DGKH: variants seen among roughly 807,000 people sequenced by gnomAD.
The protein encoded by DGKH is DAG kinase eta.
In DGKH, 90 loss-of-function variants were observed where a neutral mutation model predicts 159.3. That is an observed-to-expected ratio of 0.57 (90% confidence interval 0.48 to 0.67). DGKH has a LOEUF of 0.67. Among genes scored for constraint, DGKH ranks in the 30% least tolerant of loss-of-function variants. The pLI, the probability that DGKH is intolerant of heterozygous loss-of-function variation, is 0.00. For missense variants in DGKH, 1,181 were observed against 1,506.1 expected (o/e 0.78, Z 3.57); for synonymous variants, 536 against 553.8 (o/e 0.97, Z 0.45).
rs1433448712 is a variant in DGKH, at chr13:42,199,796, C to A, written c.2397-17C>A. 9.4e-6 allele frequency: 15 copies of A among 1,591,148 alleles called. No individual in the cohort carries two copies. Among genetic ancestry groups the A allele is most frequent in the Non-Finnish European group, 9.4e-6 (11 of 1,172,790 alleles). ...AAATAAAATTTCCTGAAATTGCCTG[C>A]CAATATTTATTTTCAGGAGCCGAAC... On this transcript the variant is annotated splice_polypyrimidine_tract_variant and intron_variant, in intron 19 of 29. Transcript: ENST00000337343.
chr13:42,155,671 C>A lies in DGKH; in HGVS notation c.494C>A (p.Ala165Asp). The A allele has an allele frequency of 6.2e-7, 1 of 1,614,110 alleles. No individual in the cohort carries two copies. The highest frequency in any genetic ancestry group is 2.2e-5 in the East Asian group (1 of 44,884). ...GTCCTCACATCTCATTTCTAGGTGG[C>A]CCAGTTTAATGTGGAACATTTCTCA... ...SVQTREPYEV[A>D]QFNVEHFSGM... is the part of the protein sequence containing the mutation. The change falls in exon 5 of 30, where the codon GCC (alanine) becomes GAC (aspartate). Residue 165 changes from alanine to aspartate, a missense_variant. By Grantham distance (126) the Ala-to-Asp change is moderately radical (BLOSUM62 -2). This residue lies in a region of DGKH where 369 missense variants were observed against 519.4 expected (regional missense o/e 0.71). Coordinates refer to ENST00000337343, the MANE Select transcript of DGKH (RefSeq NM_178009.5).
At chr13:42,121,757 G>T (rs966938643) in intron 1 of DGKH, among the ~76,000 whole-genome samples, 5 of 152,184 alleles carry the variant, frequency 3.3e-5, no homozygotes, top group African/African-American at 1.2e-4. Flanking sequence ...TAAGCGTTAA[G>T]GCAGATTTAT....
rs1958358816 is a variant in DGKH at position 42,233,898 on chromosome 13, G to T, written c.*4710G>T. The T allele has an allele frequency of 6.6e-6, 1 of 152,198 alleles. No individual in the cohort carries two copies. The highest frequency in any genetic ancestry group is 1.5e-5 in the Non-Finnish European group (1 of 68,030). 9.4% of individuals were successfully genotyped at this position (152,198 alleles called of 1,614,324 possible). ...GTCCTTGTTGACATAGCTCATGCAT[G>T]AGGACACATAGCAGTACACACACAT... On this transcript the variant is annotated 3_prime_UTR_variant, in exon 30 of 30. Coordinates refer to ENST00000337343, the MANE Select transcript of DGKH (RefSeq NM_178009.5).
intron 12 of DGKH, 36 bp downstream of exon 12, chr13:42,174,180 G>C (rs1267322353): frequency 2.0e-6 from 3 of 1,482,874 alleles, no homozygotes; most frequent in East Asian, 4.5e-5. Flanking sequence ...TTTGAAATGG[G>C]GGTGGATATC....
In DGKH at chr13:42,199,822, T is replaced by A. The variant is rs373601744; in HGVS notation, c.2406T>A (p.Thr802=). The change falls in exon 20 of 30, where the codon ACT becomes ACA. Residue 802 remains threonine (T), a synonymous_variant. Transcript: ENST00000337343. ...EEHPEKCRSR[T]KNLMWYGVLG... is the part of the protein sequence containing the mutation. ...CAATATTTATTTTCAGGAGCCGAAC[T>A]AAAAACTTGATGTGGTATGGAGTCC... is the stretch of plus-strand genomic sequence containing the variant. 1.6e-5 allele frequency: 25 copies of A among 1,600,836 alleles called. No homozygotes were observed. The highest frequency in any genetic ancestry group is 2.0e-5 in the Non-Finnish European group (24 of 1,176,642).
Position 42,061,988 on chromosome 13 carries a change from G to GGGGTGTGTGTGT in DGKH, c.192+13024_192+13025insGGTGTGTGTGTG, listed in dbSNP as rs145261789. Among the ~76,000 whole-genome samples, 456 of 149,784 alleles carry GGGGTGTGTGTGT rather than the reference G, an allele frequency of 3.0e-3. 1 individual carries two copies. The highest frequency in any genetic ancestry group is 4.9e-3 in the Non-Finnish European group (329 of 67,360). On this transcript the variant is annotated intron_variant, in intron 1 of 29. Coordinates refer to ENST00000337343, the MANE Select transcript of DGKH (RefSeq NM_178009.5). ...GAGAAAGATGGAGAGTGTGTGTGTG[G>GGGGTGTGTGTGT]GTGTGTGTGTGTGTGTGTGTGTAAA...
intron 1 of DGKH, among the ~76,000 whole-genome samples, chr13:42,056,694 C>G (rs76450443): frequency 6.6e-6 from 1 of 152,160 alleles, no homozygotes; most frequent in Non-Finnish European, 1.5e-5. Flanking sequence ...GTTCCAGATG[C>G]CTTGCTTTCG....
At chr13:42,085,973 T>A (rs1249937468) in intron 1 of DGKH, among the ~76,000 whole-genome samples, 1 of 151,944 alleles carries the variant, frequency 6.6e-6, no homozygotes, top group Non-Finnish European at 1.5e-5. Flanking sequence ...TAGGCTGGAG[T>A]GCGTAGTACA....
chr13:42,129,298 C>G (rs1034813307), intron 2 of DGKH, among the ~76,000 whole-genome samples: 1 of 152,150 alleles, frequency 6.6e-6, no homozygotes, highest in African/African-American at 2.4e-5. Context: ...TGTTATGCTT[C>G]CAGAGAGCAC....
chr13:42,219,107 A>T (rs1957893974), intron 26 of DGKH, 123 bp from the exon 27 acceptor site: 3 of 1,230,816 alleles, frequency 2.4e-6, no homozygotes, highest in Non-Finnish European at 3.3e-6. Flanking sequence ...ATATTCCTTA[A>T]TTTAAAAAAT....
chr13:42,095,202 G>C (rs1954501300), intron 1 of DGKH, among the ~76,000 whole-genome samples: 1 of 106,378 alleles, frequency 9.4e-6, no homozygotes, highest in Non-Finnish European at 1.7e-5. Flanking sequence ...TCCCTCTGTT[G>C]CCCAGGCTGG....
At chr13:42,144,055 G>A (rs1207559741) in intron 3 of DGKH, among the ~76,000 whole-genome samples, 1 of 152,156 alleles carries the variant, frequency 6.6e-6, no homozygotes, top group African/African-American at 2.4e-5. Context: ...GCAAAAGAGA[G>A]TCTGATACAC....
intron 13 of DGKH, among the ~76,000 whole-genome samples, chr13:42,183,606 G>A (rs980563181): frequency 2.6e-5 from 4 of 152,114 alleles, no homozygotes; most frequent in Non-Finnish European, 4.4e-5. Context: ...ACTGTTTTCA[G>A]CTATTTTTAA....
At chr13:42,124,519 G>A (rs1249073234) in intron 1 of DGKH, among the ~76,000 whole-genome samples, 1 of 152,128 alleles carries the variant, frequency 6.6e-6, no homozygotes, top group Non-Finnish European at 1.5e-5. Context: ...ATGAAATATT[G>A]CTAAAAATAA....
chr13:42,062,759 G>A (rs1302915089), intron 1 of DGKH, among the ~76,000 whole-genome samples: 1 of 152,148 alleles, frequency 6.6e-6, no homozygotes, highest in Non-Finnish European at 1.5e-5. Flanking sequence ...TTTTAGTTAC[G>A]GCCAACTTCA....
intron 3 of DGKH, among the ~76,000 whole-genome samples, chr13:42,152,858 T>C (rs1442983356): frequency 6.8e-6 from 1 of 147,254 alleles, no homozygotes; most frequent in Non-Finnish European, 1.5e-5. Flanking sequence ...TTCAAACCCA[T>C]TGTGGGAGGG....
intron 13 of DGKH, among the ~76,000 whole-genome samples, chr13:42,186,200 A>G (rs1956922932): frequency 6.6e-6 from 1 of 152,182 alleles, no homozygotes; most frequent in Non-Finnish European, 1.5e-5. Context: ...CTCAATTTAT[A>G]TCAATGATAG....
At chr13:42,249,125 G>A (rs551259240) in intron 29 of DGKH, among the ~76,000 whole-genome samples, 1 of 152,074 alleles carries the variant, frequency 6.6e-6, no homozygotes, top group Admixed American at 6.5e-5. Context: ...TGTAATCCCA[G>A]CATGTTGAGA....
At chr13:42,049,595 C>T (rs531291543) in intron 1 of DGKH, among the ~76,000 whole-genome samples, 2 of 152,318 alleles carry the variant, frequency 1.3e-5, no homozygotes, top group Admixed American at 6.5e-5. Flanking sequence ...ATGGTGTTCG[C>T]GGCTTAACCG....
Sources: allele counts gnomAD v4.1 joint callset (sites outside exome capture counted in the v4.1 genomes callset), GRCh38; gene constraint gnomAD v4.1.1; regional missense constraint gnomAD v4.1.1; transcripts MANE v1.5; gene names NCBI Gene and HGNC (gene_info 2026-07-23, HGNC 2026-07-21).